NLGN1: variants seen among roughly 807,000 people sequenced by gnomAD.
NLGN1 encodes the protein neuroligin-1.
Under a neutral mutation model 65.5 loss-of-function variants are expected in NLGN1, and 12 were observed. The observed-to-expected ratio is 0.18, with a 90% CI of 0.12 to 0.30. The LOEUF is 0.30. NLGN1 is among the 10% of genes least tolerant of loss of function. The pLI, the probability that NLGN1 is intolerant of heterozygous loss-of-function variation, is 1.00. For synonymous variants in NLGN1, 350 were observed against 359.5 expected, an observed-to-expected ratio of 0.97 and a Z score of 0.30; for missense variants, 750 against 1,007.1, an observed-to-expected ratio of 0.74 and a Z score of 3.46.
rs555509354 is a variant in NLGN1 at position 173,431,021 on chromosome 3, TTTAA to T, written c.-389-3978_-389-3975del. ...TGTAATATATCATACCTAGCTAACT[TTTAA>T]TTAATTAATTGACTAATTTATATCA... On this transcript the variant is annotated intron_variant, in intron 1 of 6. Transcript: ENST00000457714. 2.1e-4 allele frequency among the ~76,000 whole-genome samples: 32 copies of T among 152,332 alleles called. No homozygotes were observed. The East Asian group carries it at 5.2e-3, about 25-fold the overall frequency.
intron 4 of NLGN1, among the ~76,000 whole-genome samples, chr3:174,053,106 G>C (rs1178672308): frequency 6.6e-6 from 1 of 151,814 alleles, no homozygotes; most frequent in African/African-American, 2.4e-5. Flanking sequence ...TCATTTTAGG[G>C]GGATAGTGTT....
Position 173,604,513 on chromosome 3 carries a change from A to G in NLGN1, c.-86A>G. On this transcript the variant is annotated 5_prime_UTR_variant, in exon 3 of 7. The change creates a new upstream start codon in the 5' untranslated region. Transcript: ENST00000457714. ...CTCCCCTGTAAGAAATCGGAGGTAT[A>G]TTCTACCATTATACAGTCTTTCTCA... The G allele has an allele frequency of 7.0e-7, 1 of 1,435,216 alleles. No individual in the cohort carries two copies. 88.9% of individuals were successfully genotyped at this position (1,435,216 alleles called of 1,614,324 possible). A position where few individuals can be genotyped will look rare whatever the true frequency, so the allele number is the denominator to read the frequency against.
chr3:173,740,384 G>A (rs972196515), intron 3 of NLGN1, among the ~76,000 whole-genome samples: 1 of 152,012 alleles, frequency 6.6e-6, no homozygotes, highest in African/African-American at 2.4e-5. Context: ...ACCTGTTTAA[G>A]CAAATTAAAC....
chr3:173,722,078 T>C (rs1770930131), intron 3 of NLGN1, among the ~76,000 whole-genome samples: 1 of 152,138 alleles, frequency 6.6e-6, no homozygotes, highest in Non-Finnish European at 1.5e-5. Context: ...TGATGACACC[T>C]CTGAGGAATT....
chr3:173,486,005 G>A (rs1483354716), intron 2 of NLGN1, among the ~76,000 whole-genome samples: 1 of 151,844 alleles, frequency 6.6e-6, no homozygotes, highest in African/African-American at 2.4e-5. Context: ...GTAATGTTGA[G>A]TAGTGCTAGT....
chr3:173,831,391 A>G (rs544582748), intron 4 of NLGN1, among the ~76,000 whole-genome samples: 46 of 152,328 alleles, frequency 3.0e-4, no homozygotes, highest in African/African-American at 1.0e-3. Context: ...CAAGTTTTGG[A>G]TGAGGACGGT....
chr3:173,753,938 T>TA (rs1220196911), intron 3 of NLGN1, among the ~76,000 whole-genome samples: 2 of 137,806 alleles, frequency 1.5e-5, no homozygotes, highest in Admixed American at 7.8e-5. Context: ...CATAATATAA[T>TA]ATAATAATAA....
At chr3:174,004,652 C>A (rs748150889) in intron 4 of NLGN1, among the ~76,000 whole-genome samples, 7 of 152,008 alleles carry the variant, frequency 4.6e-5, no homozygotes, top group Non-Finnish European at 7.4e-5. Flanking sequence ...TGGTTATTTT[C>A]TGAATGCAAA....
At chr3:173,520,663 C>T (rs1734600600) in intron 2 of NLGN1, among the ~76,000 whole-genome samples, 1 of 152,082 alleles carries the variant, frequency 6.6e-6, no homozygotes, top group East Asian at 1.9e-4. Flanking sequence ...TTGCAGGATG[C>T]ATAACAGGTA....
chr3:173,939,145 G>A (rs189953112), intron 4 of NLGN1, among the ~76,000 whole-genome samples: 11 of 152,196 alleles, frequency 7.2e-5, no homozygotes, highest in Middle Eastern at 3.4e-3. Flanking sequence ...ATTAATGTAC[G>A]TAGTTTTCGC....
chr3:173,807,570 G>A, intron 3 of NLGN1, 110 bp from the exon 4 acceptor site: 1 of 1,230,654 alleles, frequency 8.1e-7, no homozygotes, highest in Non-Finnish European at 1.1e-6. Flanking sequence ...AGCAGTTTAA[G>A]AACTATATTG....
At chr3:173,890,959 T>C (rs1211224389) in intron 4 of NLGN1, among the ~76,000 whole-genome samples, 1 of 152,182 alleles carries the variant, frequency 6.6e-6, no homozygotes, top group Non-Finnish European at 1.5e-5. Context: ...TCCTTCATCA[T>C]TGAGTGTTTA....
intron 3 of NLGN1, among the ~76,000 whole-genome samples, chr3:173,700,320 T>G (rs1263446143): frequency 6.6e-6 from 1 of 152,238 alleles, no homozygotes; most frequent in Non-Finnish European, 1.5e-5. Flanking sequence ...CCAGATTAGT[T>G]CATTTTAATT....
chr3:173,972,855 C>T (rs1374296199), intron 4 of NLGN1, among the ~76,000 whole-genome samples: 3 of 152,218 alleles, frequency 2.0e-5, no homozygotes, highest in East Asian at 3.9e-4. Flanking sequence ...CCTTAAGTCT[C>T]AACCAGACTT....
At chr3:174,077,659 A>T (rs1380796668) in intron 4 of NLGN1, among the ~76,000 whole-genome samples, 3 of 151,892 alleles carry the variant, frequency 2.0e-5, no homozygotes, top group Non-Finnish European at 1.5e-5. Flanking sequence ...GGGTTCAAGC[A>T]TTTCTCCTGC....
At chr3:173,810,295 T>C (rs944686229) in intron 4 of NLGN1, among the ~76,000 whole-genome samples, 16 of 152,316 alleles carry the variant, frequency 1.1e-4, no homozygotes, top group African/African-American at 3.4e-4. Context: ...ACTTTTGAGA[T>C]TGATGTTGTG....
intron 4 of NLGN1, among the ~76,000 whole-genome samples, chr3:174,042,795 A>T (rs1732646679): frequency 6.6e-6 from 1 of 152,194 alleles, no homozygotes. Flanking sequence ...TCAAAGCCAC[A>T]CAACTCATAA....
At chr3:173,787,674 A>T (rs1711531178) in intron 3 of NLGN1, among the ~76,000 whole-genome samples, 1 of 152,220 alleles carries the variant, frequency 6.6e-6, no homozygotes, top group African/African-American at 2.4e-5. Context: ...CAACCATTAG[A>T]TACTTAAATA....
rs958755859 is a variant in NLGN1, at chr3:173,652,316, A to G, written c.493+47225A>G. ...TTTGGTTTTGTTGCTTGTGCTTTTG[A>G]GATCTTAGTCATGAATGCCTTGCCT... On this transcript the variant is annotated intron_variant, in intron 3 of 6. Transcript: ENST00000457714. Among the ~76,000 whole-genome samples the G allele has an allele frequency of 2.0e-5, 3 of 152,138 alleles. No individual in the cohort carries two copies. In the South Asian group the frequency reaches 6.2e-4, roughly 32 times the overall value.
Sources: gnomAD v4.1 joint callset for allele counts (sites outside exome capture counted in the v4.1 genomes callset) on GRCh38, gnomAD v4.1.1 for gene constraint, MANE v1.5 for transcripts, NCBI Gene and HGNC (gene_info 2026-07-23, HGNC 2026-07-21) for gene names.